The following NINL variants were observed in gnomAD, a reference collection of about 807,000 sequenced individuals.
NINL encodes ninein-like protein.
NINL carries 153 observed loss-of-function variants against 160.3 expected under a neutral mutation model. The ratio of observed to expected loss-of-function variants is 0.95; its 90% confidence interval spans 0.84 to 1.09. The LOEUF (loss-of-function observed/expected upper bound fraction) is 1.09. Ranked by LOEUF, NINL falls within the 50% of genes least tolerant of loss-of-function variation. The pLI is 0.00. For synonymous variants in NINL, 800 were observed against 734.8 expected (o/e 1.09, Z -1.43); for missense variants, 1,829 against 1,764.0 (o/e 1.04, Z -0.66).
In NINL at chr20:25,554,806, A is replaced by AAAAC. The variant is rs555460073; in HGVS notation, c.-11-28212_-11-28209dup. On this transcript the variant is annotated intron_variant, in intron 1 of 23. Transcript: ENST00000278886. ...TGAGTGACAGAGCAAAACCATCTTA[A>AAAAC]AAACAAACAAACAAACAAACAAAAA... Among the ~76,000 whole-genome samples the AAAAC allele has an allele frequency of 4.1e-4, 62 of 152,148 alleles. No individual in the cohort carries two copies. The East Asian group carries it at 6.2e-3, about 15-fold the overall frequency.
intron 2 of NINL, among the ~76,000 whole-genome samples, chr20:25,518,796 C>T (rs2064208324): frequency 6.6e-6 from 1 of 151,276 alleles, no homozygotes; most frequent in Non-Finnish European, 1.5e-5. Context: ...TCACTTTTCT[C>T]TTATTAATTT....
chr20:25,461,926 A>G (rs553068010), intron 20 of NINL, among the ~76,000 whole-genome samples: 2 of 152,212 alleles, frequency 1.3e-5, no homozygotes, highest in Admixed American at 1.3e-4. Context: ...ATTTGAAAAC[A>G]TGGTTTTCAG....
chr20:25,525,246 T>C (rs1236584487), intron 2 of NINL, among the ~76,000 whole-genome samples: 1 of 152,226 alleles, frequency 6.6e-6, no homozygotes, highest in African/African-American at 2.4e-5. Context: ...AGAAGTCGGA[T>C]TCAACCAGAC....
rs531534374 is a variant in NINL, at chr20:25,477,137, CCT to C, written c.2202-50_2202-49del. 13,041 of 1,495,102 alleles carry C rather than the reference CCT, an allele frequency of 8.7e-3. 68 individuals carry two copies. Among genetic ancestry groups the C allele is most frequent in the Non-Finnish European group, 0.011 (11,818 of 1,124,762 alleles). 92.6% of individuals were successfully genotyped at this position (1,495,102 alleles called of 1,614,324 possible). ...CACCACAGCCCTGCCGCCCCCAGCC[CCT>C]CTCTCGGGTTTGAAGTCTGCCCAGC... is the stretch of plus-strand genomic sequence containing the variant. On this transcript the variant is annotated intron_variant, in intron 16 of 23. Transcript: ENST00000278886.
chr20:25,583,301 G>C (rs1355632406), intron 1 of NINL, among the ~76,000 whole-genome samples: 1 of 152,026 alleles, frequency 6.6e-6, no homozygotes, highest in Non-Finnish European at 1.5e-5. Flanking sequence ...CCATCAAAAA[G>C]TGGCCAAAGG....
chr20:25,453,675 G>A (rs2090591480), intron 23 of NINL, 33 bp from the exon 24 acceptor site: 2 of 1,559,928 alleles, frequency 1.3e-6, no homozygotes, highest in Non-Finnish European at 1.7e-6. Flanking sequence ...CTTTGCATGA[G>A]GCCGGTGGAG....
intron 2 of NINL, among the ~76,000 whole-genome samples, chr20:25,519,946 G>A (rs1320382937): frequency 1.6e-5 from 2 of 124,098 alleles, no homozygotes; most frequent in Non-Finnish European, 3.2e-5. Flanking sequence ...CGAGGCTACA[G>A]TGAGCCAAGA....
At chr20:25,465,790 A>T (rs1482516666) in intron 19 of NINL, among the ~76,000 whole-genome samples, 1 of 152,118 alleles carries the variant, frequency 6.6e-6, no homozygotes, top group African/African-American at 2.4e-5. Flanking sequence ...AGTTACACAC[A>T]ATGTGGCACC....
At chr20:25,462,798 G>A (rs1288535665) in intron 19 of NINL, 2 of 352,116 alleles carry the variant, frequency 5.7e-6, no homozygotes, top group East Asian at 1.4e-4. Context: ...GGGACCACAG[G>A]CACACGTCAC....
At position 25,476,074 on chromosome 20, in the gene NINL, C is replaced by T; in HGVS notation, c.3217G>A (p.Glu1073Lys). Residue 1073 changes from glutamate (E) to lysine (K), a missense_variant, in exon 17 of 24, where the codon GAG becomes AAG. Glu to Lys is a moderately conservative substitution (Grantham distance 56). Coordinates refer to ENST00000278886, the MANE Select transcript of NINL (RefSeq NM_025176.6). The part of the protein sequence containing the change: ...LHLEDVVRAL[E>K]KHVDLRENDR... ...TTCTCTCTCAAATCTACATGTTTCT[C>T]CAGAGCCCGGACGACGTCTTCCAGA... 1.2e-6 allele frequency: 2 copies of T among 1,613,746 alleles called. No individual in the cohort carries two copies. Among genetic ancestry groups the T allele is most frequent in the Middle Eastern group, 3.3e-4 (2 of 6,060 alleles).
At chr20:25,573,764 G>A (rs2065082022) in intron 1 of NINL, among the ~76,000 whole-genome samples, 1 of 152,148 alleles carries the variant, frequency 6.6e-6, no homozygotes, top group Admixed American at 6.5e-5. Context: ...AGTTTCCCCT[G>A]AGTCAACTAA....
intron 1 of NINL, among the ~76,000 whole-genome samples, chr20:25,554,874 C>T (rs1055568433): frequency 1.3e-5 from 2 of 152,062 alleles, no homozygotes; most frequent in African/African-American, 2.4e-5. Context: ...CTGGGGAGCC[C>T]GCTTTGGCAG....
At chr20:25,458,338 C>T (rs761207572) in intron 22 of NINL, 45 bp downstream of exon 22, 1 of 1,601,190 alleles carries the variant, frequency 6.2e-7, no homozygotes, top group South Asian at 1.1e-5. Context: ...CCGCCTCACC[C>T]TCCTCCTCAT....
Position 25,540,119 on chromosome 20 carries a change from A to C in NINL, c.-11-13521T>G, listed in dbSNP as rs949802443. 7.3e-6 allele frequency: 8 copies of C among 1,098,622 alleles called. No individual in the cohort carries two copies. The Admixed American group carries it at 9.3e-5, about 13-fold the overall frequency. The allele number at this position is 1,098,622 out of a possible 1,614,324, so 68.1% of individuals were successfully genotyped here. ...ATCTGCATAAAATGTTTGCATGTCA[A>C]AATCACCAGAAAATCTGGCCAGCAT... On this transcript the variant is annotated intron_variant, in intron 1 of 23. Transcript: ENST00000278886.
intron 13 of NINL, among the ~76,000 whole-genome samples, chr20:25,484,560 A>T (rs544121906): frequency 6.6e-6 from 1 of 151,810 alleles, no homozygotes; most frequent in Admixed American, 6.5e-5. Flanking sequence ...TCACTTGCCA[A>T]ATCTTGCACA....
At chr20:25,550,793 C>T (rs557936652) in intron 1 of NINL, among the ~76,000 whole-genome samples, 4 of 152,344 alleles carry the variant, frequency 2.6e-5, no homozygotes, top group African/African-American at 7.2e-5. Context: ...AATGTACGAT[C>T]AGGTTTTACA....
intron 1 of NINL, among the ~76,000 whole-genome samples, chr20:25,567,681 C>A (rs1483032250): frequency 6.6e-6 from 1 of 151,838 alleles, no homozygotes; most frequent in Non-Finnish European, 1.5e-5. Flanking sequence ...ATATTTTGGG[C>A]CATAAAACAT....
At chr20:25,469,731 G>A (rs1313011392) in intron 18 of NINL, among the ~76,000 whole-genome samples, 2 of 152,108 alleles carry the variant, frequency 1.3e-5, no homozygotes, top group Non-Finnish European at 2.9e-5. Context: ...TCGCAGTCCC[G>A]ACCATGCTGT....
intron 21 of NINL, among the ~76,000 whole-genome samples, chr20:25,459,984 G>A (rs902474450): frequency 6.6e-6 from 1 of 152,168 alleles, no homozygotes; most frequent in Non-Finnish European, 1.5e-5. Flanking sequence ...CTCCCATCCT[G>A]AGTGCAGCCA....
Sources: allele counts gnomAD v4.1 joint callset (sites outside exome capture counted in the v4.1 genomes callset), GRCh38; gene constraint gnomAD v4.1.1; transcripts MANE v1.5; gene names NCBI Gene and HGNC (gene_info 2026-07-23, HGNC 2026-07-21).